The following CERCAM variants were observed in gnomAD, a reference collection of about 807,000 sequenced individuals.
CERCAM encodes cerebral endothelial cell adhesion molecule.
A neutral mutation model predicts 66.0 loss-of-function variants in CERCAM; 59 were observed. The observed-to-expected ratio is 0.89, with a 90% CI of 0.73 to 1.11. The LOEUF (loss-of-function observed/expected upper bound fraction) is 1.11. Among genes scored for constraint, CERCAM ranks in the 50% most tolerant of loss-of-function variants. The probability of loss-of-function intolerance (pLI) is 0.00; values close to 1 mark genes in which losing one functional copy is unlikely to be tolerated. For synonymous variants in CERCAM, 318 were observed against 343.6 expected (o/e 0.93, Z 0.83); for missense variants, 840 against 828.3 (o/e 1.01, Z -0.17).
chr9:128,428,491 C>T (rs1394948665), intron 6 of CERCAM, 70 bp downstream of exon 6: 3 of 1,582,912 alleles, frequency 1.9e-6, no homozygotes, highest in Non-Finnish European at 1.7e-6. Flanking sequence ...GCCCCTTTCC[C>T]TAGGCCCTGG....
intron 11 of CERCAM, 48 bp from the exon 12 acceptor site, chr9:128,435,605 G>T: frequency 6.5e-7 from 1 of 1,542,724 alleles, no homozygotes. Flanking sequence ...TGTGTCCGGG[G>T]AGTAGGGGCC....
At chr9:128,425,842 C>G (rs1452677972) in intron 5 of CERCAM, among the ~76,000 whole-genome samples, 2 of 114,200 alleles carry the variant, frequency 1.8e-5, no homozygotes, top group African/African-American at 7.2e-5. Flanking sequence ...TTTTTTGAGA[C>G]GGAGTCTTGC....
In CERCAM at chr9:128,434,297, G is replaced by T. The variant is rs564900292; in HGVS notation, c.1331+68G>T. 53 of 1,605,882 alleles carry T rather than the reference G, an allele frequency of 3.3e-5. No homozygotes were observed. Among genetic ancestry groups the T allele is most frequent in the Non-Finnish European group, 4.1e-5 (48 of 1,175,116 alleles). ...CTCCGGAGTCTGCCTTTTCCTGCTT[G>T]GGACCCTGGCCGGCCCATCCCCTGA... On this transcript the variant is annotated intron_variant, in intron 10 of 12. Transcript: ENST00000372838. This position sits in a 1 kb window ranked among gnomAD's most constrained non-coding sequence, Gnocchi z 4.5.
chr9:128,435,542 T>A, intron 11 of CERCAM, 111 bp from the exon 12 acceptor site: 1 of 1,199,230 alleles, frequency 8.3e-7, no homozygotes. Flanking sequence ...GAGGACTAGA[T>A]GGCGGGGAGT....
intron 1 of CERCAM, chr9:128,421,777 A>G (rs1275762486): frequency 6.5e-6 from 1 of 153,402 alleles, no homozygotes; most frequent in Non-Finnish European, 1.4e-5. Context: ...TAAACTGAGA[A>G]AAATGACAAG....
At chr9:128,426,356 G>A (rs1052920118) in intron 5 of CERCAM, among the ~76,000 whole-genome samples, 2 of 152,036 alleles carry the variant, frequency 1.3e-5, no homozygotes, top group African/African-American at 4.8e-5. Flanking sequence ...CAGGTGCGGT[G>A]GCTCACGCCT....
chr9:128,434,689 T>G lies in CERCAM; in HGVS notation c.1535+76T>G. 2 of 1,419,640 alleles carry G rather than the reference T, an allele frequency of 1.4e-6. No individual in the cohort carries two copies. The highest frequency in any genetic ancestry group is 4.7e-5 in the East Asian group (2 of 42,306). The allele number at this position is 1,419,640 out of a possible 1,614,324, so 87.9% of individuals were successfully genotyped here. A position where few individuals can be genotyped will look rare whatever the true frequency, so the allele number is the denominator to read the frequency against. On this transcript the variant is annotated intron_variant, in intron 11 of 12. Coordinates refer to ENST00000372838, the MANE Select transcript of CERCAM (RefSeq NM_016174.5). This position sits in a 1 kb window ranked among gnomAD's most constrained non-coding sequence, Gnocchi z 4.5. ...GGAACTCACCTCAGTCAGCAGGAAGTCCCCTCACCTGGCAGATGGGGAGAC... is the reference window on the plus strand; with the variant it reads ...GGAACTCACCTCAGTCAGCAGGAAGGCCCCTCACCTGGCAGATGGGGAGAC...
Position 128,435,666 on chromosome 9 carries a change from G to A in CERCAM, c.1549G>A (p.Ala517Thr), listed in dbSNP as rs1452644957. 3 of 1,612,158 alleles carry A rather than the reference G, an allele frequency of 1.9e-6. No individual in the cohort carries two copies. Among genetic ancestry groups the A allele is most frequent in the Non-Finnish European group, 2.5e-6 (3 of 1,179,186 alleles). ...CTCACCTTACAGCGAGCAGTACAAG[G>A]CACACTTCTGGCCACGGGACCTGGT... ...FDQHPNEQYKAHFWPRDLVAF... is the reference protein window; with the variant it reads ...FDQHPNEQYKTHFWPRDLVAF... Residue 517 changes from alanine (A) to threonine (T), a missense_variant, in exon 12 of 13, where the codon GCA becomes ACA. Physicochemically the swap from Ala to Thr is moderately conservative, Grantham distance 58. Transcript: ENST00000372838.
chr9:128,422,701 G>A (rs1045811662), intron 1 of CERCAM, 167 bp from the exon 2 acceptor site: 3 of 686,968 alleles, frequency 4.4e-6, no homozygotes, highest in African/African-American at 1.8e-5. Context: ...CAGAACTGTG[G>A]TGGGGACCTG....
chr9:128,424,506 TC>T lies in CERCAM; in HGVS notation c.661del (p.Leu221CysfsTer50), dbSNP rs1459808568. 1.9e-6 allele frequency: 3 copies of T among 1,614,002 alleles called. No individual in the cohort carries two copies. In the South Asian group the frequency reaches 3.3e-5, roughly 18 times the overall value. On this transcript the variant is annotated frameshift_variant, in exon 5 of 13. Coordinates refer to ENST00000372838, the MANE Select transcript of CERCAM (RefSeq NM_016174.5). LOFTEE classifies it high-confidence loss of function. ...VPMVHSTFLA[S>X]LRAEGADQLA... ...CATGGTCCACTCCACCTTCCTTGCA[TC>T]CCTGCGGGCTGAAGGGGCAGACCAG... is the stretch of plus-strand genomic sequence containing the variant.
rs772506698 is a variant in CERCAM at position 128,434,048 on chromosome 9, GA to G, written c.1204-53del. 5.0e-6 allele frequency: 8 copies of G among 1,600,700 alleles called. No individual in the cohort carries two copies. Among genetic ancestry groups the G allele is most frequent in the East Asian group, 2.2e-5 (1 of 44,786 alleles). On this transcript the variant is annotated intron_variant, in intron 9 of 12. Coordinates refer to ENST00000372838, the MANE Select transcript of CERCAM (RefSeq NM_016174.5). The surrounding 1 kb of genome is among the most constrained non-coding windows in gnomAD (Gnocchi z 4.5). ...GAGGCTGTGAGCTTCAGCGTGGAGGGAGGGGGGTTGTTTAACTCCGAAGAGC... is the reference window on the plus strand; with the variant it reads ...GAGGCTGTGAGCTTCAGCGTGGAGGGGGGGGGTTGTTTAACTCCGAAGAGC...
At chr9:128,436,680 C>T (rs1395022499) in intron 12 of CERCAM, among the ~76,000 whole-genome samples, 169 bp from the exon 13 acceptor site, 27 of 152,198 alleles carry the variant, frequency 1.8e-4, no homozygotes, top group Admixed American at 1.7e-3. Flanking sequence ...TGTGCCTGGC[C>T]TCTGTGTCTG....
chr9:128,422,083 G>C (rs1443676835), intron 1 of CERCAM: 2 of 152,312 alleles, frequency 1.3e-5, no homozygotes, highest in East Asian at 3.9e-4. Flanking sequence ...GCATGGTTTG[G>C]TCCTTATTAC....
At chr9:128,431,684 C>T (rs564012450) in intron 9 of CERCAM, 12 of 177,770 alleles carry the variant, frequency 6.8e-5, no homozygotes, top group Non-Finnish European at 1.3e-4. Context: ...AGAGGTGCCT[C>T]GTGTGGGAGG....
chr9:128,424,249 T>C lies in CERCAM; in HGVS notation c.538T>C (p.Phe180Leu). ...MLDSQTYYSNFWCGITPQGYY... is the reference protein window; with the variant it reads ...MLDSQTYYSNLWCGITPQGYY... ...GGACTCCCAGACCTACTACTCCAAC[T>C]TCTGGTGTGGGATCACCCCCCAGGT... The change falls in exon 4 of 13, where the codon TTC (phenylalanine) becomes CTC (leucine). Residue 180 changes from phenylalanine (F) to leucine (L), a missense_variant. Transcript: ENST00000372838. 1 of 1,614,112 alleles carries C rather than the reference T, an allele frequency of 6.2e-7. No individual in the cohort carries two copies. The highest frequency in any genetic ancestry group is 8.5e-7 in the Non-Finnish European group (1 of 1,179,988).
At chr9:128,430,992 G>A (rs575497688) in intron 8 of CERCAM, 179 bp from the exon 9 acceptor site, 40 of 695,324 alleles carry the variant, frequency 5.8e-5, no homozygotes, top group Non-Finnish European at 8.5e-5. Flanking sequence ...CTGGGCAACA[G>A]GGGCTCCAGT....
Position 128,424,183 on chromosome 9 carries a change from C to T in CERCAM, c.472C>T (p.Leu158Phe). Reference protein sequence around the residue: ...NILTNNQTLRLLMGQGLPVVA... With the variant: ...NILTNNQTLRFLMGQGLPVVA... ...TCTGACCAACAATCAGACTCTGCGG[C>T]TTCTCATGGGGCAGGGGCTTCCAGT... is the stretch of plus-strand genomic sequence containing the variant. Residue 158 changes from leucine (L) to phenylalanine (F), a missense_variant, in exon 4 of 13, where the codon CTT becomes TTT. Transcript: ENST00000372838. The T allele has an allele frequency of 6.2e-7, 1 of 1,614,198 alleles. No homozygotes were observed. Among genetic ancestry groups the T allele is most frequent in the Non-Finnish European group, 8.5e-7 (1 of 1,180,028 alleles).
chr9:128,429,384 G>A (rs1833923838), intron 8 of CERCAM, among the ~76,000 whole-genome samples: 1 of 152,138 alleles, frequency 6.6e-6, no homozygotes, highest in East Asian at 1.9e-4. Context: ...AGGGTTTTGT[G>A]AGTTTAGTGA....
At chr9:128,428,261 C>A in intron 5 of CERCAM, 41 bp from the exon 6 acceptor site, 1 of 1,605,242 alleles carries the variant, frequency 6.2e-7, no homozygotes, top group Non-Finnish European at 8.5e-7. Flanking sequence ...TTCTGAGAGC[C>A]CCACCCTCCA....
Sources: allele counts gnomAD v4.1 joint callset (sites outside exome capture counted in the v4.1 genomes callset), GRCh38; gene constraint gnomAD v4.1.1; non-coding constraint Gnocchi (gnomAD v3.1); transcripts MANE v1.5; gene names NCBI Gene and HGNC (gene_info 2026-07-23, HGNC 2026-07-21).